Variants in CEP135 observed in about 807,000 individuals in gnomAD.
CEP135 encodes centrosomal protein 135.
CEP135 carries 142 observed loss-of-function variants against 157.3 expected under a neutral mutation model. That is an observed-to-expected ratio of 0.90 (90% CI 0.79 to 1.04). The LOEUF (loss-of-function observed/expected upper bound fraction) is 1.04, where lower values mean the gene tolerates loss of function less well. Ranked by LOEUF, CEP135 falls within the 50% of genes least tolerant of loss-of-function variation. The probability of loss-of-function intolerance (pLI) is 0.00; values close to 1 mark genes in which losing one functional copy is unlikely to be tolerated. For missense variants in CEP135, 1,317 were observed against 1,309.2 expected (o/e 1.01, Z -0.09); for synonymous variants, 396 against 439.8 (o/e 0.90, Z 1.25).
chr4:56,005,546 A>G (rs1229660358), intron 17 of CEP135, among the ~76,000 whole-genome samples: 1 of 152,202 alleles, frequency 6.6e-6, no homozygotes, highest in African/African-American at 2.4e-5. Flanking sequence ...TATATTGCCT[A>G]TCTCTTAACA....
intron 24 of CEP135, among the ~76,000 whole-genome samples, chr4:56,023,986 TTGTA>T (rs1345967097): frequency 7.1e-6 from 1 of 141,360 alleles, no homozygotes; most frequent in Admixed American, 7.3e-5. Flanking sequence ...ATATAATATA[TTGTA>T]TGTTATATAT....
At chr4:56,008,961 G>C (rs1730461484) in intron 18 of CEP135, among the ~76,000 whole-genome samples, 1 of 152,146 alleles carries the variant, frequency 6.6e-6, no homozygotes, top group Non-Finnish European at 1.5e-5. Context: ...GTAGTGGCGA[G>C]ATCTCTGCTC....
chr4:55,951,355 A>G (rs955404577), intron 1 of CEP135, among the ~76,000 whole-genome samples: 1 of 152,216 alleles, frequency 6.6e-6, no homozygotes, highest in African/African-American at 2.4e-5. Context: ...TCCTGTCAGC[A>G]ATGTGTGAAG....
Position 56,017,598 on chromosome 4 carries a change from A to G in CEP135, c.2803-50A>G, listed in dbSNP as rs951381325. ...TTGGCTGTACAAATTCAAGTTCTTA[A>G]AATTATTGGGTTATTTTAACTTTTT... is the stretch of plus-strand genomic sequence containing the variant. On this transcript the variant is annotated intron_variant, in intron 21 of 25. Coordinates refer to ENST00000257287, the MANE Select transcript of CEP135 (RefSeq NM_025009.5). 4 of 1,464,806 alleles carry G rather than the reference A, an allele frequency of 2.7e-6. No individual in the cohort carries two copies. The African/African-American group carries it at 5.7e-5, about 21-fold the overall frequency. The allele number at this position is 1,464,806 out of a possible 1,614,324, so 90.7% of individuals were successfully genotyped here.
In CEP135 at chr4:56,019,440, G is replaced by A. The variant is rs768288451; in HGVS notation, c.3100G>A (p.Glu1034Lys). 16 of 1,613,710 alleles carry A rather than the reference G, an allele frequency of 9.9e-6. No individual in the cohort carries two copies. The highest frequency in any genetic ancestry group is 3.3e-5 in the South Asian group (3 of 91,054). Reference protein sequence around the residue: ...SNERHTVKNLESLLATNRDKE... With the variant: ...SNERHTVKNLKSLLATNRDKE... ...TGAGAGACATACAGTTAAAAACCTCGAATCATTGTTGGCTACAAACAGAGA... is the reference window on the plus strand; with the variant it reads ...TGAGAGACATACAGTTAAAAACCTCAAATCATTGTTGGCTACAAACAGAGA... Residue 1034 changes from glutamate (E) to lysine (K), a missense_variant, in exon 23 of 26, where the codon GAA becomes AAA. Physicochemically the swap from Glu to Lys is moderately conservative, Grantham distance 56 (BLOSUM62 1). Transcript: ENST00000257287.
chr4:55,992,135 GT>G (rs745725694), intron 15 of CEP135, 50 bp downstream of exon 15: 5 of 1,539,998 alleles, frequency 3.2e-6, no homozygotes, highest in Non-Finnish European at 4.4e-6. Flanking sequence ...TGTGTTTGTG[GT>G]TATGTAAAGT....
At position 56,016,888 on chromosome 4, in the gene CEP135, G is replaced by A. The variant is rs146337791; in HGVS notation, c.2803-760G>A. On this transcript the variant is annotated intron_variant, in intron 21 of 25. Coordinates refer to ENST00000257287, the MANE Select transcript of CEP135 (RefSeq NM_025009.5). ...AGGTTCTCACTATGTTTCCCGGACT[G>A]GTCTCAGACTCCTGGGCTCAAGTGA... Among the ~76,000 whole-genome samples, 771 of 152,064 alleles carry A rather than the reference G, an allele frequency of 5.1e-3. 7 individuals are homozygous for A. Among genetic ancestry groups the A allele is most frequent in the African/African-American group, 0.016 (663 of 41,450 alleles).
intron 17 of CEP135, among the ~76,000 whole-genome samples, chr4:56,004,534 G>T (rs1730286282): frequency 6.6e-6 from 1 of 152,200 alleles, no homozygotes; most frequent in South Asian, 2.1e-4. Flanking sequence ...TCGTATTGCA[G>T]TGTGTCTCTC....
In CEP135 at chr4:55,993,078, G is replaced by GT. The variant is rs150676824; in HGVS notation, c.2009+994dup. Among the ~76,000 whole-genome samples the GT allele has an allele frequency of 5.8e-4, 88 of 152,204 alleles. No homozygotes were observed. In the East Asian group the frequency reaches 0.015, roughly 26 times the overall value. ...CAACTTGAGATCAGAAAGGATTATA[G>GT]TAATGACACTTTAAAAAAAAGATTT... On this transcript the variant is annotated intron_variant, in intron 15 of 25. Coordinates refer to ENST00000257287, the MANE Select transcript of CEP135 (RefSeq NM_025009.5).
intron 21 of CEP135, among the ~76,000 whole-genome samples, chr4:56,012,237 G>A (rs1278305138): frequency 1.3e-5 from 2 of 151,998 alleles, no homozygotes; most frequent in African/African-American, 4.8e-5. Flanking sequence ...TGTAGTTTTA[G>A]TAGAGATGGG....
intron 3 of CEP135, 151 bp downstream of exon 3, chr4:55,953,426 G>C: frequency 1.9e-6 from 1 of 526,928 alleles, no homozygotes; most frequent in Non-Finnish European, 3.0e-6. Context: ...AGCTACTCGG[G>C]AGTTTAAGGT....
intron 2 of CEP135, 193 bp downstream of exon 2, chr4:55,952,436 T>C (rs1415406255): frequency 4.9e-6 from 2 of 412,030 alleles, no homozygotes; most frequent in Non-Finnish European, 8.8e-6. Context: ...CCACTCACGC[T>C]GTACTGTTCA....
intron 4 of CEP135, 84 bp from the exon 5 acceptor site, chr4:55,957,139 T>A: frequency 6.9e-7 from 1 of 1,448,298 alleles, no homozygotes; most frequent in Non-Finnish European, 9.4e-7. Flanking sequence ...ACACACTTTA[T>A]AACCGAAAGG....
In CEP135 at chr4:55,996,125, A is replaced by T. The variant is rs1729962125; in HGVS notation, c.2010-3177A>T. Among the ~76,000 whole-genome samples, 4 of 152,062 alleles carry T rather than the reference A, an allele frequency of 2.6e-5. No homozygotes were observed. The South Asian group carries it at 8.3e-4, about 31-fold the overall frequency. ...TTTTAAGGTAATTGATAACCATTTT[A>T]TTTTATTTTACTTATTTTGAGACAG... On this transcript the variant is annotated intron_variant, in intron 15 of 25. Transcript: ENST00000257287.
intron 13 of CEP135, among the ~76,000 whole-genome samples, chr4:55,983,991 C>A (rs561896490): frequency 1.3e-5 from 2 of 152,318 alleles, no homozygotes; most frequent in African/African-American, 4.8e-5. Context: ...TGCTACCATC[C>A]TGTTCTGGTC....
chr4:56,002,161 T>C (rs1469736280), intron 17 of CEP135, among the ~76,000 whole-genome samples: 1 of 152,128 alleles, frequency 6.6e-6, no homozygotes, highest in Non-Finnish European at 1.5e-5. Flanking sequence ...TTAAGGTTTT[T>C]CTAAATACAA....
chr4:56,007,639 A>G (rs1730401116), intron 17 of CEP135, among the ~76,000 whole-genome samples: 1 of 152,166 alleles, frequency 6.6e-6, no homozygotes, highest in Non-Finnish European at 1.5e-5. Context: ...TCTCCTGCCA[A>G]ATTACCCAAG....
At chr4:56,024,419 TA>T in intron 24 of CEP135, 81 bp from the exon 25 acceptor site, 1 of 886,122 alleles carries the variant, frequency 1.1e-6, no homozygotes, top group Non-Finnish European at 1.8e-6. Context: ...ACAAATTAGC[TA>T]ATAACTCTTA....
chr4:55,999,046 A>G (rs1051991070), intron 15 of CEP135, among the ~76,000 whole-genome samples: 7 of 152,232 alleles, frequency 4.6e-5, no homozygotes, highest in African/African-American at 1.7e-4. Flanking sequence ...CCAAGAAGCT[A>G]CTAGAAAAGA....
Sources: gnomAD v4.1 joint callset for allele counts (sites outside exome capture counted in the v4.1 genomes callset) on GRCh38, gnomAD v4.1.1 for gene constraint, MANE v1.5 for transcripts, NCBI Gene and HGNC (gene_info 2026-07-23, HGNC 2026-07-21) for gene names.